The following CERCAM variants were observed in gnomAD, a reference collection of about 807,000 sequenced individuals.
CERCAM encodes cerebral endothelial cell adhesion molecule, also known as inactive glycosyltransferase 25 family member 3.
Under a neutral mutation model 66.0 loss-of-function variants are expected in CERCAM, and 59 were observed. The observed-to-expected ratio is 0.89, with a 90% CI of 0.73 to 1.11. The LOEUF (loss-of-function observed/expected upper bound fraction) is 1.11, where lower values mean the gene tolerates loss of function less well. Ranked by LOEUF, CERCAM falls within the 50% of genes most tolerant of loss-of-function variation. The probability of loss-of-function intolerance (pLI) is 0.00; values close to 1 mark genes in which losing one functional copy is unlikely to be tolerated. For missense variants in CERCAM, 840 were observed against 828.3 expected (o/e 1.01, Z -0.17); for synonymous variants, 318 against 343.6 (o/e 0.93, Z 0.83).
At chr9:128,419,478 G>A (rs947290396), upstream of CERCAM, 1 of 152,318 alleles carries the variant, frequency 6.6e-6, no homozygotes, top group Admixed American at 6.5e-5. Flanking sequence ...GCCCCAGGGC[G>A]GAGCTCTTCC....
intron 6 of CERCAM, 119 bp from the exon 7 acceptor site, chr9:128,428,638 C>A: frequency 8.2e-7 from 1 of 1,212,618 alleles, no homozygotes. Flanking sequence ...TCTCTGAGGT[C>A]CCGTCCTGTG....
chr9:128,434,730 C>A lies in CERCAM; in HGVS notation c.1535+117C>A. ...ATGGGGAGACTGGGACTGGCAAGGC[C>A]AAGCCACTTGGCCCAGGTCACCAAG... is the stretch of plus-strand genomic sequence containing the variant. On this transcript the variant is annotated intron_variant, in intron 11 of 12. Transcript: ENST00000372838. This position sits in a 1 kb window ranked among gnomAD's most constrained non-coding sequence, Gnocchi z 4.5. 1.9e-6 allele frequency: 2 copies of A among 1,032,660 alleles called. No homozygotes were observed. The highest frequency in any genetic ancestry group is 2.6e-5 in the East Asian group (1 of 38,596). The allele number at this position is 1,032,660 out of a possible 1,614,324, so 64.0% of individuals were successfully genotyped here.
At chr9:128,423,721 A>G (rs1833769661) in intron 3 of CERCAM, among the ~76,000 whole-genome samples, 1 of 152,076 alleles carries the variant, frequency 6.6e-6, no homozygotes, top group Non-Finnish European at 1.5e-5. Flanking sequence ...AGATGTTCAG[A>G]TTGGATCCCT....
intron 5 of CERCAM, among the ~76,000 whole-genome samples, chr9:128,425,757 C>T (rs191336636): frequency 9.3e-4 from 141 of 151,666 alleles, no homozygotes; most frequent in African/African-American, 3.1e-3. Flanking sequence ...GTGATCTGCC[C>T]GCCTCAGCCT....
chr9:128,419,813 C>T (rs1218205720), upstream of CERCAM: 1 of 150,400 alleles, frequency 6.6e-6, no homozygotes, highest in East Asian at 2.0e-4. Flanking sequence ...GTGAGCAGCT[C>T]CGTGGTGTCC....
At chr9:128,426,190 G>A (rs965115330) in intron 5 of CERCAM, among the ~76,000 whole-genome samples, 1 of 152,154 alleles carries the variant, frequency 6.6e-6, no homozygotes, top group African/African-American at 2.4e-5. Flanking sequence ...GGAGGCTGAG[G>A]CAGGAGGATC....
chr9:128,435,636 A>G lies in CERCAM; in HGVS notation c.1536-17A>G, dbSNP rs1449081900. ...GGGCCCGCCTCAATCCCCCTGAGCT[A>G]TCCTCTCACCTTACAGCGAGCAGTA... On this transcript the variant is annotated splice_polypyrimidine_tract_variant and intron_variant, in intron 11 of 12. Coordinates refer to ENST00000372838, the MANE Select transcript of CERCAM (RefSeq NM_016174.5). 3.8e-6 allele frequency: 6 copies of G among 1,583,618 alleles called. No homozygotes were observed. The highest frequency in any genetic ancestry group is 3.4e-4 in the Middle Eastern group (2 of 5,966).
At chr9:128,431,351 C>A in intron 9 of CERCAM, 48 bp downstream of exon 9, 1 of 1,608,498 alleles carries the variant, frequency 6.2e-7, no homozygotes, top group Non-Finnish European at 8.5e-7. Flanking sequence ...GAGAACGGGG[C>A]CAGTTTGTTC....
At chr9:128,429,969 GT>G (rs1833937647) in intron 8 of CERCAM, among the ~76,000 whole-genome samples, 1 of 144,392 alleles carries the variant, frequency 6.9e-6, no homozygotes, top group Admixed American at 6.9e-5. Flanking sequence ...AAAATGTTTT[GT>G]TTTGTTTTTT....
At position 128,424,150 on chromosome 9, in the gene CERCAM, G is replaced by T; in HGVS notation, c.439G>T (p.Asp147Tyr). 1 of 1,614,034 alleles carries T rather than the reference G, an allele frequency of 6.2e-7. No individual in the cohort carries two copies. The highest frequency in any genetic ancestry group is 8.5e-7 in the Non-Finnish European group (1 of 1,179,956). The change falls in exon 4 of 13, where the codon GAC (aspartate) becomes TAC (tyrosine). Residue 147 changes from aspartate to tyrosine, a missense_variant. Coordinates refer to ENST00000372838, the MANE Select transcript of CERCAM (RefSeq NM_016174.5). ...GADYILFADT[D>Y]NILTNNQTLR... is the part of the protein sequence containing the mutation. ...CCCCTCCTCAAAGTTTGCAGACACA[G>T]ACAACATTCTGACCAACAATCAGAC...
chr9:128,435,977 T>G, intron 12 of CERCAM, 72 bp downstream of exon 12: 1 of 1,443,510 alleles, frequency 6.9e-7, no homozygotes, highest in Non-Finnish European at 9.2e-7. Flanking sequence ...GGCATAACTG[T>G]GTCTGGGGCT....
At position 128,434,659 on chromosome 9, in the gene CERCAM, C is replaced by A; in HGVS notation, c.1535+46C>A. ...GGGCATGGCAGGGCAGAGGCGTCCC[C>A]TCCAGGAACTCACCTCAGTCAGCAG... is the stretch of plus-strand genomic sequence containing the variant. On this transcript the variant is annotated intron_variant, in intron 11 of 12. Transcript: ENST00000372838. This position sits in a 1 kb window ranked among gnomAD's most constrained non-coding sequence, Gnocchi z 4.5. 1 of 1,554,692 alleles carries A rather than the reference C, an allele frequency of 6.4e-7. No individual in the cohort carries two copies.
intron 9 of CERCAM, 109 bp downstream of exon 9, chr9:128,431,412 T>C (rs1221094226): frequency 3.5e-6 from 5 of 1,444,662 alleles, no homozygotes; most frequent in Non-Finnish European, 4.7e-6. Flanking sequence ...CATCAAAACC[T>C]GGCCAGCAGC....
At chr9:128,422,810 GC>G (rs1454486763) in intron 1 of CERCAM, 57 bp from the exon 2 acceptor site, 1 of 1,593,232 alleles carries the variant, frequency 6.3e-7, no homozygotes, top group East Asian at 2.3e-5. Context: ...GGTCAAGGCT[GC>G]CTTGGGGTTC....
At chr9:128,436,001 C>A in intron 12 of CERCAM, 96 bp downstream of exon 12, 1 of 1,278,610 alleles carries the variant, frequency 7.8e-7, no homozygotes, top group South Asian at 1.5e-5. Flanking sequence ...TTCCCCTTCT[C>A]AGCCTTCTCT....
At position 128,422,898 on chromosome 9, in the gene CERCAM, C is replaced by T; in HGVS notation, c.228C>T (p.Thr76=). 1 of 1,614,100 alleles carries T rather than the reference C, an allele frequency of 6.2e-7. No individual in the cohort carries two copies. The highest frequency in any genetic ancestry group is 1.7e-4 in the Middle Eastern group (1 of 6,060). The change falls in exon 2 of 13, where the codon ACC becomes ACT. Residue 76 remains threonine, a synonymous_variant. Coordinates refer to ENST00000372838, the MANE Select transcript of CERCAM (RefSeq NM_016174.5). ...CCACGGACCACAATGTGGACAACAC[C>T]ACAGAGATGCTGCAGGAGTGGCTGG... ...WCATDHNVDN[T]TEMLQEWLAA...
rs1436569055 is a variant in CERCAM, at chr9:128,428,821, A to G, written c.951A>G (p.Ile317Met). 2 of 1,613,912 alleles carry G rather than the reference A, an allele frequency of 1.2e-6. No individual in the cohort carries two copies. Among genetic ancestry groups the G allele is most frequent in the African/African-American group, 1.3e-5 (1 of 74,988 alleles). The part of the protein sequence containing the change: ...VTRPSKRPSK[I>M]GFDEVFVISL... ...GGCCCTCTAAGAGGCCCAGCAAGAT[A>G]GGGTTTGACGAGGTAAGTCCCCCAG... The change falls in exon 7 of 13, where the codon ATA (isoleucine) becomes ATG (methionine). Residue 317 changes from isoleucine to methionine, a missense_variant. By Grantham distance (10) the Ile-to-Met change is conservative. Coordinates refer to ENST00000372838, the MANE Select transcript of CERCAM (RefSeq NM_016174.5).
chr9:128,424,172 A>G lies in CERCAM; in HGVS notation c.461A>G (p.Gln154Arg). ...ACAGACAACATTCTGACCAACAATCAGACTCTGCGGCTTCTCATGGGGCAG... is the reference window on the plus strand; with the variant it reads ...ACAGACAACATTCTGACCAACAATCGGACTCTGCGGCTTCTCATGGGGCAG... ...ADTDNILTNNQTLRLLMGQGL... is the reference protein window; with the variant it reads ...ADTDNILTNNRTLRLLMGQGL... The change falls in exon 4 of 13, where the codon CAG becomes CGG. Residue 154 changes from glutamine (Q) to arginine (R), a missense_variant. By Grantham distance (43) the Gln-to-Arg change is conservative. Coordinates refer to ENST00000372838, the MANE Select transcript of CERCAM (RefSeq NM_016174.5). 6.2e-7 allele frequency: 1 copy of G among 1,614,124 alleles called. No individual in the cohort carries two copies. Among genetic ancestry groups the G allele is most frequent in the Non-Finnish European group, 8.5e-7 (1 of 1,180,008 alleles).
At chr9:128,428,879 C>T (rs1833908705) in intron 7 of CERCAM, 46 bp downstream of exon 7, 1 of 1,608,566 alleles carries the variant, frequency 6.2e-7, no homozygotes, top group Non-Finnish European at 8.5e-7. Context: ...GTGGATGGGC[C>T]CTCCTCTTCC....
Sources: allele counts gnomAD v4.1 joint callset (sites outside exome capture counted in the v4.1 genomes callset), GRCh38; gene constraint gnomAD v4.1.1; non-coding constraint Gnocchi (gnomAD v3.1); transcripts MANE v1.5; gene names NCBI Gene and HGNC (gene_info 2026-07-23, HGNC 2026-07-21).